Variants in CFAP251 observed in about 807,000 individuals in gnomAD.
CFAP251 encodes the protein cilia- and flagella-associated protein 251.
A neutral mutation model predicts 126.7 loss-of-function variants in CFAP251; 93 were observed. The ratio of observed to expected loss-of-function variants is 0.73; its 90% confidence interval spans 0.62 to 0.87. CFAP251 has a LOEUF of 0.87. Among genes scored for constraint, CFAP251 ranks in the 40% least tolerant of loss-of-function variants. CFAP251 has a pLI of 0.00. For synonymous variants in CFAP251, 503 were observed against 506.9 expected (o/e 0.99, Z 0.10); for missense variants, 1,287 against 1,389.2 (o/e 0.93, Z 1.17).
intron 7 of CFAP251, among the ~76,000 whole-genome samples, chr12:121,943,445 C>T (rs777431203): frequency 4.6e-5 from 7 of 152,212 alleles, no homozygotes; most frequent in South Asian, 2.1e-4. Context: ...GACAGAGTTT[C>T]GCTCTTGTTG....
intron 10 of CFAP251, among the ~76,000 whole-genome samples, chr12:121,956,648 A>T (rs1187531905): frequency 2.6e-5 from 4 of 152,112 alleles, no homozygotes; most frequent in Non-Finnish European, 5.9e-5. Flanking sequence ...GGTGCACACC[A>T]CCACACCTGA....
intron 3 of CFAP251, among the ~76,000 whole-genome samples, chr12:121,925,018 C>T (rs1022011963): frequency 2.6e-5 from 4 of 151,426 alleles, no homozygotes; most frequent in African/African-American, 4.9e-5. Flanking sequence ...TCCCTCCTGT[C>T]TCCTCTCCTT....
intron 15 of CFAP251, among the ~76,000 whole-genome samples, chr12:121,965,387 C>G (rs1438568809): frequency 1.3e-5 from 2 of 152,184 alleles, no homozygotes; most frequent in African/African-American, 2.4e-5. Context: ...TTGTCACCCT[C>G]TATTAAATTT....
intron 9 of CFAP251, chr12:121,953,080 C>A (rs1308962689): frequency 1.3e-5 from 2 of 152,190 alleles, no homozygotes; most frequent in African/African-American, 4.8e-5. Context: ...ACATTGAACT[C>A]ATGGCCAACA....
intron 19 of CFAP251, among the ~76,000 whole-genome samples, chr12:121,976,224 G>T (rs1882455712): frequency 6.6e-6 from 1 of 151,970 alleles, no homozygotes; most frequent in Non-Finnish European, 1.5e-5. Flanking sequence ...GGTCAGACTG[G>T]TCTCAAACTC....
At chr12:121,927,063 A>G (rs939297410) in intron 3 of CFAP251, among the ~76,000 whole-genome samples, 5 of 152,018 alleles carry the variant, frequency 3.3e-5, no homozygotes, top group Non-Finnish European at 7.4e-5. Context: ...TCATTTCCCT[A>G]TGTAATTCCT....
chr12:121,957,122 C>T lies in CFAP251; in HGVS notation c.1584C>T (p.His528=). ...DIKGNIKFYD[H]TLSIVNWYSH... is the part of the protein sequence containing the mutation. The stretch of plus-strand genomic sequence containing the variant: ...AGGGGAACATTAAGTTCTATGATCA[C>T]ACCCTGTCTATTGTTAACTGGTACA... Residue 528 remains histidine (H), a synonymous_variant, in exon 11 of 22, where the codon CAC becomes CAT. Transcript: ENST00000288912. 1 of 1,613,238 alleles carries T rather than the reference C, an allele frequency of 6.2e-7. No homozygotes were observed. Among genetic ancestry groups the T allele is most frequent in the Non-Finnish European group, 8.5e-7 (1 of 1,179,700 alleles).
In CFAP251 at chr12:121,954,047, A is replaced by G. The variant is rs1003929783; in HGVS notation, c.1321-73A>G. 6.1e-4 allele frequency: 783 copies of G among 1,290,120 alleles called. 6 individuals carry two copies. Among genetic ancestry groups the G allele is most frequent in the Non-Finnish European group, 4.3e-5 (39 of 909,804 alleles). 79.9% of individuals were successfully genotyped at this position (1,290,120 alleles called of 1,614,324 possible). A position where few individuals can be genotyped will look rare whatever the true frequency, so the allele number is the denominator to read the frequency against. On this transcript the variant is annotated intron_variant, in intron 9 of 21. Coordinates refer to ENST00000288912, the MANE Select transcript of CFAP251 (RefSeq NM_144668.6). ...TCACTATATTTCAGCATAGCATTAT[A>G]AAATATCGTATTGATAAATGCTTTG...
At position 121,975,343 on chromosome 12, in the gene CFAP251, C is replaced by T; in HGVS notation, c.2862+9C>T. The T allele has an allele frequency of 1.2e-6, 2 of 1,612,562 alleles. No homozygotes were observed. The highest frequency in any genetic ancestry group is 2.2e-5 in the East Asian group (1 of 44,880). On this transcript the variant is annotated intron_variant, in intron 18 of 21. Coordinates refer to ENST00000288912, the MANE Select transcript of CFAP251 (RefSeq NM_144668.6). Reference sequence around the variant, plus strand: ...AAGGAAAATTCTACAGGGTAATTGTCCCTAGAGTAAACACCTCCTGGTAAC... The same window carrying T: ...AAGGAAAATTCTACAGGGTAATTGTTCCTAGAGTAAACACCTCCTGGTAAC...
At chr12:121,984,679 C>A (rs928092266) in intron 19 of CFAP251, among the ~76,000 whole-genome samples, 1 of 152,158 alleles carries the variant, frequency 6.6e-6, no homozygotes, top group Non-Finnish European at 1.5e-5. Flanking sequence ...TAGGTGTCAT[C>A]GTTTCTACAG....
At chr12:121,961,267 C>A (rs11615667) in intron 14 of CFAP251, among the ~76,000 whole-genome samples, 10,758 of 149,124 alleles carry the variant, frequency 0.072, 443 homozygotes, top group Non-Finnish European at 0.11. Flanking sequence ...TCTTCTCCCC[C>A]TCTCTCCCTC....
intron 3 of CFAP251, among the ~76,000 whole-genome samples, chr12:121,931,519 G>A (rs1203891695): frequency 6.6e-6 from 1 of 151,918 alleles, no homozygotes; most frequent in Non-Finnish European, 1.5e-5. Context: ...CACCATGTTG[G>A]CCAGGTTGGT....
chr12:121,955,766 C>A (rs564163294), intron 10 of CFAP251: 3 of 152,222 alleles, frequency 2.0e-5, no homozygotes. Context: ...CTCAGTGGAG[C>A]GAGAAGATAG....
At chr12:121,934,613 C>A (rs1022000328) in intron 5 of CFAP251, among the ~76,000 whole-genome samples, 16 of 152,206 alleles carry the variant, frequency 1.1e-4, no homozygotes, top group African/African-American at 3.9e-4. Flanking sequence ...CATGCTGCCT[C>A]TTCTGGGCAG....
intron 11 of CFAP251, 60 bp downstream of exon 11, chr12:121,957,328 G>A: frequency 6.6e-7 from 1 of 1,505,278 alleles, no homozygotes; most frequent in Non-Finnish European, 9.0e-7. Flanking sequence ...GTCTTCTTTA[G>A]TTTGCATACA....
At chr12:121,956,004 C>T (rs1041080987) in intron 10 of CFAP251, 3 of 152,148 alleles carry the variant, frequency 2.0e-5, no homozygotes, top group Admixed American at 6.5e-5. Flanking sequence ...TAATCAGAAA[C>T]CTCATTTAAC....
intron 11 of CFAP251, 47 bp from the exon 12 acceptor site, chr12:121,958,225 C>T (rs751822129): frequency 1.2e-6 from 2 of 1,605,968 alleles, no homozygotes; most frequent in South Asian, 2.2e-5. Flanking sequence ...TGGCATGCCC[C>T]ATTCCCTGCA....
intron 1 of CFAP251, among the ~76,000 whole-genome samples, chr12:121,919,160 G>C (rs1880053806): frequency 6.7e-6 from 1 of 148,426 alleles, no homozygotes; most frequent in African/African-American, 2.5e-5. Context: ...TTTTACCAGA[G>C]ATGAATTTGA....
chr12:121,945,327 GTTTTC>G (rs71917340), intron 7 of CFAP251, among the ~76,000 whole-genome samples: 49,208 of 150,316 alleles, frequency 0.33, 10,415 homozygotes, highest in Non-Finnish European at 0.49. Flanking sequence ...TTGTTGTTTT[GTTTTC>G]TTTTCTTTTC....
Sources: gnomAD v4.1 joint callset for allele counts (sites outside exome capture counted in the v4.1 genomes callset) on GRCh38, gnomAD v4.1.1 for gene constraint, MANE v1.5 for transcripts, NCBI Gene and HGNC (gene_info 2026-07-23, HGNC 2026-07-21) for gene names.